LAMA2: variants seen among roughly 807,000 people sequenced by gnomAD.
The protein encoded by LAMA2 is laminin subunit alpha 2, also known as laminin subunit alpha-2.
Under a neutral mutation model 364.8 loss-of-function variants are expected in LAMA2, and 269 were observed. The ratio of observed to expected loss-of-function variants is 0.74; its 90% CI spans 0.67 to 0.82. The LOEUF (loss-of-function observed/expected upper bound fraction) is 0.82. LAMA2 is among the 40% of genes least tolerant of loss of function. The probability of loss-of-function intolerance (pLI) is 0.00; values close to 1 mark genes in which losing one functional copy is unlikely to be tolerated. For synonymous variants in LAMA2, 1,379 were observed against 1,370.6 expected (o/e 1.01, Z -0.14); for missense variants, 3,807 against 3,873.2 (o/e 0.98, Z 0.45).
chr6:129,069,065 G>GA (rs1266649366), intron 3 of LAMA2, among the ~76,000 whole-genome samples: 2 of 151,936 alleles, frequency 1.3e-5, no homozygotes, highest in African/African-American at 4.8e-5. Flanking sequence ...GACTGCCCTA[G>GA]AAAATGCTTC....
At chr6:129,453,433 C>T (rs1782790022) in intron 46 of LAMA2, among the ~76,000 whole-genome samples, 1 of 152,054 alleles carries the variant, frequency 6.6e-6, no homozygotes, top group Non-Finnish European at 1.5e-5. Context: ...GAGAATAAAG[C>T]TATTTTATTT....
At position 129,098,321 on chromosome 6, in the gene LAMA2, T is replaced by G; in HGVS notation, c.545T>G (p.Ile182Ser). 1 of 1,614,052 alleles carries G rather than the reference T, an allele frequency of 6.2e-7. No individual in the cohort carries two copies. Among genetic ancestry groups the G allele is most frequent in the Non-Finnish European group, 8.5e-7 (1 of 1,179,978 alleles). ...ACGGAGTGCCTAACGCTTTACAATATTTATCCCCGCACTGGGCCACCGTCA... is the reference window on the plus strand; with the variant it reads ...ACGGAGTGCCTAACGCTTTACAATAGTTATCCCCGCACTGGGCCACCGTCA... ...TDTECLTLYN[I>S]YPRTGPPSYA... The change falls in exon 4 of 65, where the codon ATT becomes AGT. Residue 182 changes from isoleucine to serine, a missense_variant. By Grantham distance (142) the Ile-to-Ser change is moderately radical (BLOSUM62 -2). Coordinates refer to ENST00000421865, the MANE Select transcript of LAMA2 (RefSeq NM_000426.4).
intron 1 of LAMA2, among the ~76,000 whole-genome samples, chr6:128,925,065 G>A (rs746192424): frequency 2.0e-5 from 3 of 152,148 alleles, no homozygotes; most frequent in Non-Finnish European, 4.4e-5. Context: ...CATTGTTGAT[G>A]GGAATATAAA....
intron 4 of LAMA2, among the ~76,000 whole-genome samples, chr6:129,109,121 G>A (rs1364748255): frequency 6.6e-6 from 1 of 151,982 alleles, no homozygotes; most frequent in Non-Finnish European, 1.5e-5. Flanking sequence ...TGGGTGTCCC[G>A]GGGCCACACC....
intron 2 of LAMA2, among the ~76,000 whole-genome samples, chr6:129,051,477 A>G (rs975612072): frequency 1.3e-5 from 2 of 149,238 alleles, no homozygotes; most frequent in African/African-American, 2.4e-5. Flanking sequence ...ATGCCTGGCT[A>G]TTTTTTGTAT....
At chr6:129,095,389 T>C (rs1200623951) in intron 3 of LAMA2, among the ~76,000 whole-genome samples, 1 of 152,202 alleles carries the variant, frequency 6.6e-6, no homozygotes, top group African/African-American at 2.4e-5. Flanking sequence ...AGCATTCCTA[T>C]ATAAAAAATT....
At chr6:129,387,070 A>G (rs537428323) in intron 35 of LAMA2, among the ~76,000 whole-genome samples, 1 of 152,090 alleles carries the variant, frequency 6.6e-6, no homozygotes, top group South Asian at 2.1e-4. Context: ...AAACAACCTC[A>G]TGACTGAGCT....
chr6:129,316,508 A>G (rs1251672821), intron 27 of LAMA2, among the ~76,000 whole-genome samples: 4 of 152,190 alleles, frequency 2.6e-5, no homozygotes, highest in Admixed American at 6.5e-5. Flanking sequence ...AAGTGCTGAG[A>G]AAGTGACCTC....
chr6:129,449,338 G>A (rs1039961475), intron 45 of LAMA2, among the ~76,000 whole-genome samples: 22 of 152,262 alleles, frequency 1.4e-4, no homozygotes, highest in African/African-American at 5.1e-4. Flanking sequence ...GGCAGGTTAG[G>A]GACCTGTTTT....
chr6:129,200,173 C>CT (rs1372185795), intron 12 of LAMA2, among the ~76,000 whole-genome samples: 1 of 135,236 alleles, frequency 7.4e-6, no homozygotes, highest in African/African-American at 2.7e-5. Flanking sequence ...TATACGTGTA[C>CT]ACATATACAT....
At chr6:129,207,919 G>A (rs1782790448) in intron 12 of LAMA2, among the ~76,000 whole-genome samples, 1 of 152,204 alleles carries the variant, frequency 6.6e-6, no homozygotes. Flanking sequence ...TTAGGGAAAA[G>A]GCTGGTTGAT....
At chr6:129,415,006 C>T (rs543792205) in intron 40 of LAMA2, among the ~76,000 whole-genome samples, 3 of 152,238 alleles carry the variant, frequency 2.0e-5, no homozygotes, top group Admixed American at 2.0e-4. Context: ...CTTCAGTTTC[C>T]CAATATAGGT....
intron 23 of LAMA2, among the ~76,000 whole-genome samples, chr6:129,314,398 CAAAA>C (rs3062342): frequency 8.6e-5 from 7 of 81,866 alleles, no homozygotes; most frequent in East Asian, 7.5e-4. Flanking sequence ...GACTCCGTCT[CAAAA>C]AAAAAAAAAA....
intron 12 of LAMA2, among the ~76,000 whole-genome samples, chr6:129,199,697 T>G (rs566693411): frequency 6.6e-6 from 1 of 152,072 alleles, no homozygotes; most frequent in African/African-American, 2.4e-5. Flanking sequence ...TCAAAAAAAA[T>G]TTTTAAGAGG....
Position 129,309,902 on chromosome 6 carries a change from A to ATTTTTTTTTTTTTTTTTTTTTTTTT in LAMA2, c.3175-2944_3175-2943insTTTTTTTTTTTTTTTTTTTTTTTTT, listed in dbSNP as rs993652081. Among the ~76,000 whole-genome samples the ATTTTTTTTTTTTTTTTTTTTTTTTT allele has an allele frequency of 2.2e-5, 3 of 135,782 alleles. 1 individual carries two copies. Among genetic ancestry groups the ATTTTTTTTTTTTTTTTTTTTTTTTT allele is most frequent in the African/African-American group, 8.5e-5 (3 of 35,344 alleles). 89.1% of individuals were successfully genotyped at this position (135,782 alleles called of 152,430 possible). On this transcript the variant is annotated intron_variant, in intron 22 of 64. Transcript: ENST00000421865. ...AGAAATAAAGCTAATCCTGATAATC[A>ATTTTTTTTTTTTTTTTTTTTTTTTT]TTTTTTTTTTTTTTTGAGACGGAGT...
chr6:129,098,184 C>G lies in LAMA2; in HGVS notation c.408C>G (p.Ile136Met), dbSNP rs145149634. Residue 136 changes from isoleucine to methionine, a missense_variant, in exon 4 of 65, where the codon ATC becomes ATG. Coordinates refer to ENST00000421865, the MANE Select transcript of LAMA2 (RefSeq NM_000426.4). ...ITLDLQQVFQ[I>M]AYVIVKAANS... is the part of the protein sequence containing the mutation. ...TTATACTTCCCTAGGTGTTCCAGAT[C>G]GCGTATGTGATTGTGAAGGCAGCTA... 25 of 1,613,770 alleles carry G rather than the reference C, an allele frequency of 1.5e-5. No individual in the cohort carries two copies. The highest frequency in any genetic ancestry group is 2.1e-5 in the Non-Finnish European group (25 of 1,179,946).
At chr6:129,462,580 T>C (rs933014951) in intron 49 of LAMA2, among the ~76,000 whole-genome samples, 1 of 152,026 alleles carries the variant, frequency 6.6e-6, no homozygotes, top group African/African-American at 2.4e-5. Context: ...TTTTAATGTT[T>C]TAGTGTATCT....
At chr6:129,275,404 A>G (rs987746878) in intron 17 of LAMA2, among the ~76,000 whole-genome samples, 1 of 152,030 alleles carries the variant, frequency 6.6e-6, no homozygotes, top group Non-Finnish European at 1.5e-5. Flanking sequence ...ATTGGAACTC[A>G]TATATTTTGA....
intron 40 of LAMA2, among the ~76,000 whole-genome samples, chr6:129,414,861 C>A (rs1208913243): frequency 6.6e-6 from 1 of 152,182 alleles, no homozygotes; most frequent in East Asian, 1.9e-4. Context: ...TTCAAATATT[C>A]TTCTTTTACT....
Sources: gnomAD v4.1 joint callset for allele counts (sites outside exome capture counted in the v4.1 genomes callset) on GRCh38, gnomAD v4.1.1 for gene constraint, MANE v1.5 for transcripts, NCBI Gene and HGNC (gene_info 2026-07-23, HGNC 2026-07-21) for gene names.